The following ATXN7 variants were observed in gnomAD, a reference collection of about 807,000 sequenced individuals.
The protein encoded by ATXN7 is ataxin-7.
A neutral mutation model predicts 70.5 loss-of-function variants in ATXN7; 12 were observed. The observed-to-expected ratio is 0.17, with a 90% confidence interval of 0.11 to 0.28. ATXN7 has a LOEUF of 0.28. ATXN7 is among the 10% of genes least tolerant of loss of function. The probability of loss-of-function intolerance (pLI) is 1.00; values close to 1 mark genes in which losing one functional copy is unlikely to be tolerated. For synonymous variants in ATXN7, 498 were observed against 448.7 expected (o/e 1.11, Z -1.39); for missense variants, 1,256 against 1,131.7 (o/e 1.11, Z -1.58).
At chr3:63,966,924 G>A (rs144738084) in intron 5 of ATXN7, among the ~76,000 whole-genome samples, 2 of 152,206 alleles carry the variant, frequency 1.3e-5, no homozygotes, top group Admixed American at 6.5e-5. Context: ...AGATCACTTG[G>A]CAGTTTTTTC....
At chr3:63,918,620 A>G (rs1348819507) in intron 4 of ATXN7, among the ~76,000 whole-genome samples, 2 of 152,124 alleles carry the variant, frequency 1.3e-5, no homozygotes, top group African/African-American at 4.8e-5. Context: ...TTCTGCTCAC[A>G]TGGACTTCAA....
At chr3:63,997,581 A>C in intron 12 of ATXN7, 1 of 1,526,084 alleles carries the variant, frequency 6.6e-7, no homozygotes, top group Non-Finnish European at 8.9e-7. Flanking sequence ...CTTTGCTCTA[A>C]CTTCCAGCTC....
chr3:63,998,524 C>T, intron 12 of ATXN7: 1 of 985,322 alleles, frequency 1.0e-6, no homozygotes, highest in Non-Finnish European at 1.2e-6. Context: ...ACAACACAGA[C>T]AGCCTAACTT....
At chr3:63,939,254 C>G (rs1029898465) in intron 4 of ATXN7, among the ~76,000 whole-genome samples, 13 of 152,138 alleles carry the variant, frequency 8.5e-5, no homozygotes, top group African/African-American at 3.1e-4. Flanking sequence ...TGGCATCCTT[C>G]TCTTCACCAC....
At chr3:63,895,774 T>C (rs890167139) in intron 1 of ATXN7, among the ~76,000 whole-genome samples, 114 of 151,982 alleles carry the variant, frequency 7.5e-4, no homozygotes, top group African/African-American at 2.7e-3. Flanking sequence ...GTCTCTCTCT[T>C]GTTTCTCTGT....
intron 4 of ATXN7, among the ~76,000 whole-genome samples, chr3:63,927,988 T>TA (rs1173672370): frequency 2.6e-5 from 4 of 152,242 alleles, no homozygotes; most frequent in Non-Finnish European, 5.9e-5. Context: ...TGTGAGTTTA[T>TA]AATCTATTCA....
At chr3:63,922,250 C>G (rs1417107130) in intron 4 of ATXN7, among the ~76,000 whole-genome samples, 2 of 152,044 alleles carry the variant, frequency 1.3e-5, no homozygotes, top group Non-Finnish European at 2.9e-5. Context: ...CCATGTTGCC[C>G]AGGCTGGTCT....
rs2075812102 is a variant in ATXN7, at chr3:63,999,524, C to T, written c.*57C>T. The stretch of plus-strand genomic sequence containing the variant: ...GGACACTTTTGAGGACAAGTTACAC[C>T]TCCACTCAGCACTCTGGACTCCACG... On this transcript the variant is annotated 3_prime_UTR_variant, in exon 13 of 13. Transcript: ENST00000674280. 6.2e-7 allele frequency: 1 copy of T among 1,608,554 alleles called. No individual in the cohort carries two copies. The highest frequency in any genetic ancestry group is 8.5e-7 in the Non-Finnish European group (1 of 1,177,084).
At chr3:63,918,172 G>A (rs774160997) in intron 4 of ATXN7, among the ~76,000 whole-genome samples, 16 of 151,488 alleles carry the variant, frequency 1.1e-4, no homozygotes, top group Non-Finnish European at 1.5e-5. Flanking sequence ...GGCAACTAGA[G>A]TTCAAAACAA....
chr3:63,993,200 T>G (rs561615883), intron 11 of ATXN7, among the ~76,000 whole-genome samples: 24 of 152,084 alleles, frequency 1.6e-4, no homozygotes, highest in South Asian at 2.1e-4. Flanking sequence ...CTACTTGTCC[T>G]CTGTTGATTT....
At chr3:63,960,554 G>A (rs1045902535) in intron 5 of ATXN7, among the ~76,000 whole-genome samples, 4 of 152,176 alleles carry the variant, frequency 2.6e-5, no homozygotes, top group African/African-American at 9.7e-5. Flanking sequence ...AGCAGGGGCA[G>A]AGAAGTGTGA....
chr3:63,964,082 AC>A (rs2075178723), intron 5 of ATXN7, among the ~76,000 whole-genome samples: 1 of 138,678 alleles, frequency 7.2e-6, no homozygotes, highest in Admixed American at 6.8e-5. Context: ...AAACACACAC[AC>A]ACACACACAC....
At chr3:63,967,843 G>A (rs2075251578) in intron 5 of ATXN7, 1 of 1,528,416 alleles carries the variant, frequency 6.5e-7, no homozygotes, top group South Asian at 1.2e-5. Context: ...TGGAGTTGGT[G>A]GGCAGACCCA....
intron 11 of ATXN7, among the ~76,000 whole-genome samples, chr3:63,991,144 A>G (rs1279753765): frequency 6.6e-6 from 1 of 152,194 alleles, no homozygotes; most frequent in Non-Finnish European, 1.5e-5. Flanking sequence ...CTACAGAAGA[A>G]TAAGGAGATG....
chr3:63,891,510 A>T (rs1316880027), intron 1 of ATXN7, among the ~76,000 whole-genome samples: 1 of 150,836 alleles, frequency 6.6e-6, no homozygotes, highest in Non-Finnish European at 1.5e-5. Flanking sequence ...TTTCATAGAG[A>T]TGGAGTCTCG....
chr3:63,962,360 C>T lies in ATXN7; in HGVS notation c.499+9877C>T, dbSNP rs141832318. On this transcript the variant is annotated intron_variant, in intron 5 of 12. Transcript: ENST00000674280. Reference sequence around the variant, plus strand: ...ATAAACTTTGGAATGAAATTTGTTTCGTTGCCTCTTATGCTTGATATATTT... The same window carrying T: ...ATAAACTTTGGAATGAAATTTGTTTTGTTGCCTCTTATGCTTGATATATTT... Among the ~76,000 whole-genome samples the T allele has an allele frequency of 6.1e-3, 927 of 151,928 alleles. 6 individuals are homozygous for T. Among genetic ancestry groups the T allele is most frequent in the Non-Finnish European group, 8.8e-3 (600 of 67,982 alleles).
intron 5 of ATXN7, among the ~76,000 whole-genome samples, chr3:63,961,363 G>C (rs2075127786): frequency 6.6e-6 from 1 of 152,042 alleles, no homozygotes; most frequent in South Asian, 2.1e-4. Flanking sequence ...TGGACACTTA[G>C]ATCTTCAGTG....
At chr3:63,935,110 A>T (rs1383888909) in intron 4 of ATXN7, among the ~76,000 whole-genome samples, 1 of 151,904 alleles carries the variant, frequency 6.6e-6, no homozygotes, top group Non-Finnish European at 1.5e-5. Flanking sequence ...TAGCTTAGTA[A>T]AGGTAATGAA....
chr3:63,909,221 A>G (rs1284448757), intron 2 of ATXN7, among the ~76,000 whole-genome samples: 1 of 152,256 alleles, frequency 6.6e-6, no homozygotes, highest in Non-Finnish European at 1.5e-5. Flanking sequence ...AGAAGCACTG[A>G]TTGATATTAT....
Sources: gnomAD v4.1 joint callset for allele counts (sites outside exome capture counted in the v4.1 genomes callset) on GRCh38, gnomAD v4.1.1 for gene constraint, MANE v1.5 for transcripts, NCBI Gene and HGNC (gene_info 2026-07-23, HGNC 2026-07-21) for gene names.